The following MATN2 variants were observed in gnomAD, a reference collection of about 807,000 sequenced individuals.
The protein encoded by MATN2 is matrilin 2.
Under a neutral mutation model 103.2 loss-of-function variants are expected in MATN2, and 69 were observed. That is an observed-to-expected ratio of 0.67 (90% CI 0.55 to 0.82). The LOEUF (loss-of-function observed/expected upper bound fraction) is 0.82, where lower values mean the gene tolerates loss of function less well. Ranked by LOEUF, MATN2 falls within the 40% of genes least tolerant of loss-of-function variation. The probability of loss-of-function intolerance (pLI) is 0.00; values close to 1 mark genes in which losing one functional copy is unlikely to be tolerated. For synonymous variants in MATN2, 429 were observed against 450.2 expected (o/e 0.95, Z 0.60); for missense variants, 1,023 against 1,211.5 (o/e 0.84, Z 2.31).
At chr8:97,917,312 G>T (rs1375722150) in intron 2 of MATN2, among the ~76,000 whole-genome samples, 1 of 152,176 alleles carries the variant, frequency 6.6e-6, no homozygotes, top group Non-Finnish European at 1.5e-5. Context: ...TGCCCTTCTT[G>T]GTAGTAGCTT....
intron 2 of MATN2, among the ~76,000 whole-genome samples, chr8:97,894,557 T>C (rs1179189705): frequency 6.6e-6 from 1 of 152,136 alleles, no homozygotes; most frequent in Non-Finnish European, 1.5e-5. Flanking sequence ...CTTGGCCTTA[T>C]GCAATCCTCC....
chr8:97,924,255 A>G (rs1273626415), intron 2 of MATN2, among the ~76,000 whole-genome samples: 1 of 152,248 alleles, frequency 6.6e-6, no homozygotes, highest in Admixed American at 6.5e-5. Flanking sequence ...GGTCTCATGT[A>G]AATTTCATAA....
chr8:97,894,274 A>G (rs1818730085), intron 2 of MATN2, among the ~76,000 whole-genome samples: 1 of 151,860 alleles, frequency 6.6e-6, no homozygotes, highest in African/African-American at 2.4e-5. Flanking sequence ...TTTACTCATA[A>G]CAGTTAATTT....
intron 17 of MATN2, 22 bp from the exon 18 acceptor site, chr8:98,033,539 C>T (rs945873662): frequency 9.4e-6 from 13 of 1,382,250 alleles, no homozygotes; most frequent in Non-Finnish European, 1.3e-5. Context: ...TAGAGGTGAA[C>T]ACTTTCCATC....
intron 5 of MATN2, among the ~76,000 whole-genome samples, chr8:97,976,335 C>T (rs1811836934): frequency 2.0e-5 from 3 of 152,218 alleles, no homozygotes; most frequent in South Asian, 2.1e-4. Context: ...TCTCAAACTC[C>T]TGACCTCCGG....
intron 1 of MATN2, among the ~76,000 whole-genome samples, chr8:97,870,432 C>T (rs1817854010): frequency 6.6e-6 from 1 of 151,948 alleles, no homozygotes; most frequent in South Asian, 2.1e-4. Flanking sequence ...GCAGGAGAAT[C>T]GGTTGAACCC....
intron 1 of MATN2, among the ~76,000 whole-genome samples, chr8:97,883,021 C>T (rs966206290): frequency 3.9e-5 from 6 of 152,032 alleles, no homozygotes; most frequent in African/African-American, 7.2e-5. Flanking sequence ...TACATAGTCC[C>T]GGCCAGGTGC....
chr8:98,014,534 A>G (rs953596280), intron 10 of MATN2, among the ~76,000 whole-genome samples: 14 of 152,328 alleles, frequency 9.2e-5, no homozygotes, highest in African/African-American at 3.1e-4. Context: ...AACTTTTCCC[A>G]TTCTTCAAAG....
intron 1 of MATN2, among the ~76,000 whole-genome samples, chr8:97,882,872 T>G (rs1818297111): frequency 6.6e-6 from 1 of 152,260 alleles, no homozygotes; most frequent in Non-Finnish European, 1.5e-5. Context: ...TAATTTGTAT[T>G]TTTCTAATGA....
At position 97,900,665 on chromosome 8, in the gene MATN2, G is replaced by A. The variant is rs139772133; in HGVS notation, c.142+12423G>A. ...ATATACTGAGAACCAGCCGGGCGTG[G>A]TGACTCACGCCTGTAATCCCAGCAC... On this transcript the variant is annotated intron_variant, in intron 2 of 18. Transcript: ENST00000254898. Among the ~76,000 whole-genome samples, 29 of 152,298 alleles carry A rather than the reference G, an allele frequency of 1.9e-4. No homozygotes were observed. In the East Asian group the frequency reaches 5.6e-3, roughly 29 times the overall value.
chr8:97,973,246 T>C (rs1169427510), intron 5 of MATN2, among the ~76,000 whole-genome samples: 6 of 152,190 alleles, frequency 3.9e-5, no homozygotes, highest in Non-Finnish European at 7.3e-5. Flanking sequence ...GACTGGAGAC[T>C]TGGGACCCAG....
rs763374430 is a variant in MATN2, at chr8:98,027,453, C to G, written c.1980C>G (p.Ile660Met). Residue 660 changes from isoleucine (I) to methionine (M), a missense_variant, in exon 14 of 19, where the codon ATC becomes ATG. By Grantham distance (10) the Ile-to-Met change is conservative (BLOSUM62 1). Transcript: ENST00000254898. ...GCCCAATTGACCTGGTCTTTGTGAT[C>G]GATGGATCCAAGAGTCTTGGAGAAG... Reference protein sequence around the residue: ...TEGPIDLVFVIDGSKSLGEEN... With the variant: ...TEGPIDLVFVMDGSKSLGEEN... 1 of 1,611,238 alleles carries G rather than the reference C, an allele frequency of 6.2e-7. No individual in the cohort carries two copies. Among genetic ancestry groups the G allele is most frequent in the East Asian group, 2.2e-5 (1 of 44,732 alleles).
At chr8:97,924,531 C>A (rs2130118479) in intron 2 of MATN2, among the ~76,000 whole-genome samples, 1 of 152,244 alleles carries the variant, frequency 6.6e-6, no homozygotes, top group Admixed American at 6.5e-5. Flanking sequence ...TTCCCCACAG[C>A]CCCTCAAAGA....
At chr8:98,004,793 C>A (rs2130382721) in intron 8 of MATN2, among the ~76,000 whole-genome samples, 1 of 152,350 alleles carries the variant, frequency 6.6e-6, no homozygotes, top group South Asian at 2.1e-4. Context: ...GTCAGAGCCA[C>A]AACAAAGCTC....
In MATN2 at chr8:97,917,335, G is replaced by A. The variant is rs905817898; in HGVS notation, c.143-13618G>A. Among the ~76,000 whole-genome samples the A allele has an allele frequency of 3.9e-5, 6 of 152,310 alleles. 1 individual carries two copies. The highest frequency in any genetic ancestry group is 5.9e-5 in the Non-Finnish European group (4 of 68,026). ...TTGGTAGTAGCTTGTTCAAGGGTAC[G>A]CAGAGCAAATTTGGCAATTCTGAAA... On this transcript the variant is annotated intron_variant, in intron 2 of 18. Transcript: ENST00000254898.
chr8:97,912,369 A>G (rs960055426), intron 2 of MATN2, among the ~76,000 whole-genome samples: 1 of 152,174 alleles, frequency 6.6e-6, no homozygotes, highest in Non-Finnish European at 1.5e-5. Flanking sequence ...TAGCAACCCT[A>G]ACATAGGGCG....
chr8:97,906,990 T>C (rs1187674403), intron 2 of MATN2, among the ~76,000 whole-genome samples: 2 of 149,600 alleles, frequency 1.3e-5, no homozygotes, highest in Admixed American at 6.7e-5. Flanking sequence ...AAAATAACCA[T>C]AGCTGACTTT....
intron 6 of MATN2, among the ~76,000 whole-genome samples, chr8:97,987,116 C>T (rs927715412): frequency 5.3e-5 from 8 of 152,068 alleles, no homozygotes; most frequent in African/African-American, 1.4e-4. Flanking sequence ...GCTGGGATTA[C>T]AGGCGTGAGC....
chr8:97,886,033 G>C (rs752658572), intron 1 of MATN2, among the ~76,000 whole-genome samples: 1 of 152,136 alleles, frequency 6.6e-6, no homozygotes, highest in Non-Finnish European at 1.5e-5. Context: ...AGCACCGTTA[G>C]ATCCATTAGA....
Sources: gnomAD v4.1 joint callset for allele counts (sites outside exome capture counted in the v4.1 genomes callset) on GRCh38, gnomAD v4.1.1 for gene constraint, MANE v1.5 for transcripts, NCBI Gene and HGNC (gene_info 2026-07-23, HGNC 2026-07-21) for gene names.